The following PLPPR5 variants were observed in gnomAD, a reference collection of about 807,000 sequenced individuals.
The protein encoded by PLPPR5 is phospholipid phosphatase related 5.
In PLPPR5, 16 loss-of-function variants were observed where a neutral mutation model predicts 33.9. That is an observed-to-expected ratio of 0.47 (90% CI 0.32 to 0.72). PLPPR5 has a LOEUF of 0.72. Ranked by LOEUF, PLPPR5 falls within the 30% of genes least tolerant of loss-of-function variation. The pLI is 0.03. For synonymous variants in PLPPR5, 163 were observed against 150.3 expected (o/e 1.08, Z -0.62); for missense variants, 301 against 406.7 (o/e 0.74, Z 2.23).
chr1:98,984,280 C>A (rs986294899), intron 1 of PLPPR5, among the ~76,000 whole-genome samples: 1 of 152,024 alleles, frequency 6.6e-6, no homozygotes, highest in Non-Finnish European at 1.5e-5. Context: ...CCCAACCCTG[C>A]AGTCTTTCCC....
chr1:98,974,754 TA>T (rs1651785545), intron 1 of PLPPR5, among the ~76,000 whole-genome samples: 1 of 152,116 alleles, frequency 6.6e-6, no homozygotes, highest in Non-Finnish European at 1.5e-5. Flanking sequence ...CTATATTTGA[TA>T]ACAAGATGTA....
At chr1:98,894,704 G>T (rs1195734727) in intron 5 of PLPPR5, among the ~76,000 whole-genome samples, 1 of 152,068 alleles carries the variant, frequency 6.6e-6, no homozygotes, top group Non-Finnish European at 1.5e-5. Flanking sequence ...AGGCCTCAGG[G>T]TTCCCATTGT....
intron 4 of PLPPR5, among the ~76,000 whole-genome samples, chr1:98,920,065 T>C (rs112875482): frequency 9.0e-4 from 137 of 152,258 alleles, no homozygotes; most frequent in African/African-American, 3.1e-3. Flanking sequence ...ATGGGAATGT[T>C]CAAAGGGCTA....
At chr1:98,946,382 T>A (rs1650551086) in intron 3 of PLPPR5, among the ~76,000 whole-genome samples, 2 of 152,236 alleles carry the variant, frequency 1.3e-5, no homozygotes, top group Admixed American at 1.3e-4. Context: ...TGCTTTTTAA[T>A]TCAAGTCATA....
chr1:98,952,560 G>C (rs1650831012), intron 3 of PLPPR5, among the ~76,000 whole-genome samples: 1 of 152,146 alleles, frequency 6.6e-6, no homozygotes, highest in Non-Finnish European at 1.5e-5. Context: ...GGAAAAAATA[G>C]AATTTCTAAG....
chr1:98,940,484 G>C (rs1043773043), intron 3 of PLPPR5, among the ~76,000 whole-genome samples: 5 of 151,920 alleles, frequency 3.3e-5, no homozygotes, highest in African/African-American at 1.2e-4. Context: ...ATAACTGGAG[G>C]GAAGACAGCT....
chr1:98,955,151 C>T (rs907353267), intron 2 of PLPPR5, among the ~76,000 whole-genome samples: 4 of 152,012 alleles, frequency 2.6e-5, no homozygotes, highest in Admixed American at 2.6e-4. Flanking sequence ...AGTGATGCTT[C>T]GCTTACATGC....
chr1:98,953,697 TC>T (rs1650891316), intron 2 of PLPPR5, among the ~76,000 whole-genome samples: 1 of 152,112 alleles, frequency 6.6e-6, no homozygotes, highest in African/African-American at 2.4e-5. Context: ...TTTCCTTTTT[TC>T]CCCCATTTTT....
chr1:98,938,325 C>T (rs1570714692), intron 3 of PLPPR5, among the ~76,000 whole-genome samples: 1 of 149,240 alleles, frequency 6.7e-6, no homozygotes, highest in Non-Finnish European at 1.5e-5. Flanking sequence ...ATTTGGGAGG[C>T]TGAAGTGGGA....
intron 3 of PLPPR5, among the ~76,000 whole-genome samples, chr1:98,928,548 CATATATATATAT>C (rs60624111): frequency 1.4e-5 from 1 of 73,880 alleles, no homozygotes; most frequent in South Asian, 5.7e-4. Context: ...AGTTTTAAAT[CATATATATATAT>C]ATATATATAT....
At chr1:98,999,257 G>A (rs72732438) in intron 1 of PLPPR5, among the ~76,000 whole-genome samples, 10,655 of 152,196 alleles carry the variant, frequency 0.07, 509 homozygotes, top group Middle Eastern at 0.096. Context: ...TATACAGCTG[G>A]GCACTGCTCT....
chr1:98,956,559 C>G, intron 2 of PLPPR5, 50 bp downstream of exon 2: 3 of 1,487,278 alleles, frequency 2.0e-6, no homozygotes, highest in Non-Finnish European at 2.7e-6. Flanking sequence ...GTTTAGCTTA[C>G]ACATAGACAC....
At chr1:98,934,156 G>C (rs1333424504) in intron 3 of PLPPR5, among the ~76,000 whole-genome samples, 1 of 152,142 alleles carries the variant, frequency 6.6e-6, no homozygotes, top group East Asian at 1.9e-4. Context: ...TGGGACAGAG[G>C]ATAAATTATT....
intron 1 of PLPPR5, among the ~76,000 whole-genome samples, chr1:98,994,112 T>G (rs1652548055): frequency 6.6e-6 from 1 of 152,018 alleles, no homozygotes. Context: ...CTTAACCTCT[T>G]TAAGCCTTAA....
intron 1 of PLPPR5, among the ~76,000 whole-genome samples, chr1:98,969,320 G>C (rs1651569682): frequency 6.6e-6 from 1 of 151,986 alleles, no homozygotes; most frequent in Non-Finnish European, 1.5e-5. Context: ...GCTGTCTTTA[G>C]AAAGTGAAAA....
intron 1 of PLPPR5, among the ~76,000 whole-genome samples, chr1:98,994,912 T>A (rs1176594910): frequency 2.0e-5 from 3 of 151,982 alleles, no homozygotes; most frequent in Non-Finnish European, 4.4e-5. Context: ...AAGCTCAACA[T>A]CACTAATCAT....
intron 1 of PLPPR5, among the ~76,000 whole-genome samples, chr1:98,959,275 C>G (rs758812338): frequency 6.6e-6 from 1 of 152,188 alleles, no homozygotes; most frequent in Admixed American, 6.5e-5. Context: ...TCCCGGGGCT[C>G]TCTTCCCAGT....
chr1:98,910,375 C>G (rs1414571746), intron 5 of PLPPR5, among the ~76,000 whole-genome samples: 1 of 152,112 alleles, frequency 6.6e-6, no homozygotes, highest in Non-Finnish European at 1.5e-5. Flanking sequence ...GGTGAGTACT[C>G]AGTGATGTTG....
At chr1:98,938,902 G>T (rs1650276990) in intron 3 of PLPPR5, among the ~76,000 whole-genome samples, 1 of 152,228 alleles carries the variant, frequency 6.6e-6, no homozygotes, top group South Asian at 2.1e-4. Context: ...AATACCACAT[G>T]TTCTCACTTA....
Sources: allele counts gnomAD v4.1 joint callset (sites outside exome capture counted in the v4.1 genomes callset), GRCh38; gene constraint gnomAD v4.1.1; transcripts MANE v1.5; gene names NCBI Gene and HGNC (gene_info 2026-07-23, HGNC 2026-07-21).